The following AMT variants were observed in gnomAD, a reference collection of about 807,000 sequenced individuals.
AMT encodes the protein aminomethyltransferase, mitochondrial.
AMT carries 24 observed loss-of-function variants against 39.5 expected under a neutral mutation model. That is an observed-to-expected ratio of 0.61 (90% CI 0.44 to 0.86). The LOEUF (loss-of-function observed/expected upper bound fraction) is 0.86, where lower values mean the gene tolerates loss of function less well. Ranked by LOEUF, AMT falls within the 40% of genes least tolerant of loss-of-function variation. The pLI, the probability that AMT is intolerant of heterozygous loss-of-function variation, is 0.00. For missense variants in AMT, 501 were observed against 537.0 expected (o/e 0.93, Z 0.66); for synonymous variants, 210 against 212.1 (o/e 0.99, Z 0.09).
In AMT at chr3:49,419,326, C is replaced by A; in HGVS notation, c.630G>T (p.Met210Ile). The change falls in exon 6 of 9, where the codon ATG becomes ATT. Residue 210 changes from methionine (M) to isoleucine (I), a missense_variant. Physicochemically the swap from Met to Ile is conservative, Grantham distance 10. Coordinates refer to ENST00000273588, the MANE Select transcript of AMT (RefSeq NM_000481.4). ...GGCAGCCAGACACGCCAAACACCTCCATCACAGCACTGGTCATGAAGGGCA... is the reference window on the plus strand; with the variant it reads ...GGCAGCCAGACACGCCAAACACCTCAATCACAGCACTGGTCATGAAGGGCA... ...RKLPFMTSAV[M>I]EVFGVSGCRV... The A allele has an allele frequency of 6.2e-7, 1 of 1,614,210 alleles. No individual in the cohort carries two copies. The highest frequency in any genetic ancestry group is 1.1e-5 in the South Asian group (1 of 91,086).
Position 49,417,655 on chromosome 3 carries a change from G to A in AMT, c.1097C>T (p.Pro366Leu), listed in dbSNP as rs201400089. ...LKKNVAMGYVPCEYSRPGTML... is the reference protein window; with the variant it reads ...LKKNVAMGYVLCEYSRPGTML... ...TGTCCCTGGACGACTGTACTCGCAG[G>A]GCACATAACCCATCGCCACATTCTT... is the stretch of plus-strand genomic sequence containing the variant. The change falls in exon 9 of 9, where the codon CCC (proline) becomes CTC (leucine). Residue 366 changes from proline (P) to leucine (L), a missense_variant. Coordinates refer to ENST00000273588, the MANE Select transcript of AMT (RefSeq NM_000481.4). The A allele has an allele frequency of 8.7e-6, 14 of 1,614,064 alleles. No homozygotes were observed. The Admixed American group carries it at 1.5e-4, about 17-fold the overall frequency.
intron 7 of AMT, chr3:49,418,759 C>T (rs1390916868): frequency 1.7e-6 from 1 of 587,890 alleles, no homozygotes; most frequent in Non-Finnish European, 3.1e-6. Context: ...CCCGCCTCGG[C>T]CTCCCAAAGT....
chr3:49,419,480 G>A, intron 5 of AMT, 75 bp from the exon 6 acceptor site: 1 of 1,580,818 alleles, frequency 6.3e-7, no homozygotes, highest in South Asian at 1.1e-5. Flanking sequence ...CTTATTCAGG[G>A]ACCAGAACAA....
chr3:49,418,864 G>T, intron 7 of AMT, 107 bp downstream of exon 7: 1 of 1,263,586 alleles, frequency 7.9e-7, no homozygotes, highest in Non-Finnish European at 1.1e-6. Flanking sequence ...GGGAGGCTCA[G>T]GAAGGCTTCA....
chr3:49,421,392 G>T, intron 3 of AMT, 100 bp downstream of exon 3: 1 of 911,534 alleles, frequency 1.1e-6, no homozygotes, highest in Non-Finnish European at 1.8e-6. Context: ...GAGAAGCTGT[G>T]TTTGACTCAT....
chr3:49,420,669 G>T, intron 3 of AMT: 1 of 378,816 alleles, frequency 2.6e-6, no homozygotes, highest in Non-Finnish European at 5.1e-6. Flanking sequence ...AACCTGGGAC[G>T]ACTTAGCCCA....
In AMT at chr3:49,418,946, A is replaced by G. The variant is rs376754875; in HGVS notation, c.877+25T>C. On this transcript the variant is annotated intron_variant, in intron 7 of 8. Coordinates refer to ENST00000273588, the MANE Select transcript of AMT (RefSeq NM_000481.4). Reference sequence around the variant, plus strand: ...GGGTCACCCTGACCTCCAGGACCCTATCCTTTAGTGCTGGCCCAGCTCACC... The same window carrying G: ...GGGTCACCCTGACCTCCAGGACCCTGTCCTTTAGTGCTGGCCCAGCTCACC... The G allele has an allele frequency of 1.9e-6, 3 of 1,612,744 alleles. No individual in the cohort carries two copies. The African/African-American group carries it at 4.0e-5, about 22-fold the overall frequency.
At chr3:49,419,473 A>T in intron 5 of AMT, 68 bp from the exon 6 acceptor site, 1 of 1,588,088 alleles carries the variant, frequency 6.3e-7, no homozygotes, top group South Asian at 1.1e-5. Flanking sequence ...CTAAAGCCTT[A>T]TTCAGGGACC....
Position 49,422,348 on chromosome 3 carries a change from C to T in AMT, c.90+13G>A, listed in dbSNP as rs765668315. 12 of 1,613,604 alleles carry T rather than the reference C, an allele frequency of 7.4e-6. No individual in the cohort carries two copies. In the South Asian group the frequency reaches 9.9e-5, roughly 13 times the overall value. On this transcript the variant is annotated intron_variant, in intron 1 of 8. Coordinates refer to ENST00000273588, the MANE Select transcript of AMT (RefSeq NM_000481.4). ...CCTCCCCCACCCTCCAAGATCAGCA[C>T]CCTCTATCCCACCTGTGCGCAACTA...
At chr3:49,419,470 CT>C in intron 5 of AMT, 65 bp from the exon 6 acceptor site, 1 of 1,590,516 alleles carries the variant, frequency 6.3e-7, no homozygotes, top group Non-Finnish European at 8.6e-7. Flanking sequence ...GGACTAAAGC[CT>C]TATTCAGGGA....
rs1314175857 is a variant in AMT, at chr3:49,419,347, G to T, written c.609C>A (p.Pro203=). Residue 203 remains proline, a synonymous_variant, in exon 6 of 9, where the codon CCC becomes CCA. Transcript: ENST00000273588. ...CCTCCATCACAGCACTGGTCATGAA[G>T]GGCAGTTTCCTCAGGTCATCTGCCA... ...AGVADDLRKL[P]FMTSAVMEVF... is the part of the protein sequence containing the mutation. The T allele has an allele frequency of 6.2e-7, 1 of 1,614,198 alleles. No homozygotes were observed. The highest frequency in any genetic ancestry group is 8.5e-7 in the Non-Finnish European group (1 of 1,180,042).
In AMT at chr3:49,422,404, T is replaced by C. The variant is rs771449741; in HGVS notation, c.47A>G (p.Gln16Arg). ...SVVARLGFRL[Q>R]AFPPALCRPL... ...ACGACACAAGGCCGGGGGGAATGCC[T>C]GCAGGCGAAAGCCCAGACGGGCCAC... is the stretch of plus-strand genomic sequence containing the variant. Residue 16 changes from glutamine (Q) to arginine (R), a missense_variant, in exon 1 of 9, where the codon CAG becomes CGG. Transcript: ENST00000273588. 1.9e-6 allele frequency: 3 copies of C among 1,610,750 alleles called. No individual in the cohort carries two copies. The Admixed American group carries it at 5.0e-5, about 27-fold the overall frequency.
chr3:49,419,405 C>T lies in AMT; in HGVS notation c.551G>A (p.Gly184Asp). 6.2e-7 allele frequency: 1 copy of T among 1,613,786 alleles called. No individual in the cohort carries two copies. The highest frequency in any genetic ancestry group is 8.5e-7 in the Non-Finnish European group (1 of 1,179,886). The change falls in exon 6 of 9, where the codon GGC (glycine) becomes GAC (aspartate). Residue 184 changes from glycine to aspartate, a missense_variant and splice_region_variant. By Grantham distance (94) the Gly-to-Asp change is moderately conservative. Transcript: ENST00000273588. ...CTGTAGTACCTGGGCTGCAGTGGGG[C>T]CTGGGCCCAGGGAGCCAGTGACCAA... ...VLDNALLALQGPTAAQVLQAG... is the reference protein window; with the variant it reads ...VLDNALLALQDPTAAQVLQAG...
chr3:49,419,679 G>T (rs1329178147), intron 5 of AMT, 31 bp downstream of exon 5: 1 of 1,609,436 alleles, frequency 6.2e-7, no homozygotes, highest in Non-Finnish European at 8.5e-7. Context: ...GAAGGCAAAG[G>T]TTGGCTCCAA....
chr3:49,420,773 T>A (rs1317348644), intron 3 of AMT: 2 of 242,484 alleles, frequency 8.2e-6, no homozygotes, highest in African/African-American at 4.4e-5. Flanking sequence ...AAAACTTCCT[T>A]AGCCTCCCCA....
rs962354821 is a variant in AMT, at chr3:49,419,653, C to T, written c.550+57G>A. 7 of 1,547,130 alleles carry T rather than the reference C, an allele frequency of 4.5e-6. No individual in the cohort carries two copies. The African/African-American group carries it at 6.8e-5, about 15-fold the overall frequency. On this transcript the variant is annotated intron_variant, in intron 5 of 8. Transcript: ENST00000273588. ...TTCTTGGTATGGCCTCTGTGCTAAG[C>T]AGTCAATGAAGCCAGGAAGGCAAAG...
intron 7 of AMT, 123 bp downstream of exon 7, chr3:49,418,848 A>T: frequency 9.3e-7 from 1 of 1,075,308 alleles, no homozygotes; most frequent in Non-Finnish European, 1.4e-6. Context: ...TGGCACCTTC[A>T]GGGAAGGGAG....
At chr3:49,420,472 C>T in intron 3 of AMT, 130 bp from the exon 4 acceptor site, 2 of 1,389,802 alleles carry the variant, frequency 1.4e-6, no homozygotes, top group South Asian at 2.4e-5. Flanking sequence ...TCAGGGTGTG[C>T]AAGGTACAAG....
At chr3:49,421,732 A>G in intron 2 of AMT, 160 bp from the exon 3 acceptor site, 1 of 727,294 alleles carries the variant, frequency 1.4e-6, no homozygotes, top group South Asian at 1.5e-5. Context: ...CCACCTTCTG[A>G]TTTCCTGACC....
Sources: gnomAD v4.1 joint callset for allele counts on GRCh38, gnomAD v4.1.1 for gene constraint, MANE v1.5 for transcripts, NCBI Gene and HGNC (gene_info 2026-07-23, HGNC 2026-07-21) for gene names.